FBXO15: variants seen among roughly 807,000 people sequenced by gnomAD.
The protein encoded by FBXO15 is F-box only protein 15.
In FBXO15, 30 loss-of-function variants were observed where a neutral mutation model predicts 49.5. The observed-to-expected ratio is 0.61, with a 90% CI of 0.45 to 0.82. The LOEUF is 0.82. Among genes scored for constraint, FBXO15 ranks in the 40% least tolerant of loss-of-function variants. The probability of loss-of-function intolerance (pLI) is 0.00; values close to 1 mark genes in which losing one functional copy is unlikely to be tolerated. For synonymous variants in FBXO15, 250 were observed against 232.7 expected (o/e 1.07, Z -0.68); for missense variants, 591 against 631.5 (o/e 0.94, Z 0.69).
rs1978332593 is a variant in FBXO15 at position 74,130,554 on chromosome 18, A to G, written c.437T>C (p.Val146Ala). ...KIAMSMSFLS[V>A]QDKEAGYWKK... ...CCAATAACCAGCTTCTTTATCCTGAACTGACAGAAAGCTCATAGACATAGC... is the reference window on the plus strand; with the variant it reads ...CCAATAACCAGCTTCTTTATCCTGAGCTGACAGAAAGCTCATAGACATAGC... Residue 146 changes from valine to alanine, a missense_variant, in exon 4 of 10, where the codon GTT becomes GCT. Val to Ala is a moderately conservative substitution (Grantham distance 64). Transcript: ENST00000419743. 1.2e-6 allele frequency: 2 copies of G among 1,614,176 alleles called. No individual in the cohort carries two copies. The highest frequency in any genetic ancestry group is 4.5e-5 in the East Asian group (2 of 44,880).
At chr18:74,083,829 A>AGT (rs1330997521) in intron 8 of FBXO15, among the ~76,000 whole-genome samples, 3 of 152,228 alleles carry the variant, frequency 2.0e-5, no homozygotes, top group Non-Finnish European at 2.9e-5. Flanking sequence ...GATGTGTGAA[A>AGT]GTGTGTGTAT....
At position 74,141,590 on chromosome 18, in the gene FBXO15, C is replaced by CA. The variant is rs35148962; in HGVS notation, c.117-1279dup. ...CATAAAGGAGGGCAACAATTGGGAG[C>CA]AAAAAAAGAGATGCCTTAAGAACTT... On this transcript the variant is annotated intron_variant, in intron 1 of 9. Transcript: ENST00000419743. Among the ~76,000 whole-genome samples, 585 of 151,846 alleles carry CA rather than the reference C, an allele frequency of 3.9e-3. 3 individuals carry two copies. Among genetic ancestry groups the CA allele is most frequent in the African/African-American group, 0.013 (559 of 41,460 alleles).
chr18:74,121,083 T>C (rs58330232), intron 8 of FBXO15, among the ~76,000 whole-genome samples: 14,161 of 152,060 alleles, frequency 0.093, 1,258 homozygotes, highest in African/African-American at 0.23. Flanking sequence ...AATGGACAAA[T>C]TCCTTAAAAG....
rs1016466941 is a variant in FBXO15 at position 74,108,420 on chromosome 18, G to T, written c.1138+14948C>A. On this transcript the variant is annotated intron_variant, in intron 8 of 9. Transcript: ENST00000419743. ...GGTAACAGAGATGAAGAATACCTTT[G>T]TTGGGCTTATTAGTAGGCTAGAGCT... Among the ~76,000 whole-genome samples the T allele has an allele frequency of 2.6e-5, 4 of 151,664 alleles. No homozygotes were observed. The East Asian group carries it at 7.7e-4, about 29-fold the overall frequency.
In FBXO15 at chr18:74,103,084, T is replaced by C. The variant is rs542741662; in HGVS notation, c.1138+20284A>G. On this transcript the variant is annotated intron_variant, in intron 8 of 9. Coordinates refer to ENST00000419743, the MANE Select transcript of FBXO15 (RefSeq NM_001142958.2). ...TACTCATGTAACCAGATACCACCTG[T>C]TCCCCCAAAAACCTGTGGAAATAAA... Among the ~76,000 whole-genome samples, 8 of 152,024 alleles carry C rather than the reference T, an allele frequency of 5.3e-5. No individual in the cohort carries two copies. The South Asian group carries it at 1.7e-3, about 32-fold the overall frequency.
intron 8 of FBXO15, among the ~76,000 whole-genome samples, chr18:74,085,080 A>C (rs1233051293): frequency 6.6e-6 from 1 of 152,158 alleles, no homozygotes; most frequent in East Asian, 1.9e-4. Context: ...TATCTATTAT[A>C]GTTTCACACA....
chr18:74,091,336 T>G (rs186054281), intron 8 of FBXO15, among the ~76,000 whole-genome samples: 2 of 152,198 alleles, frequency 1.3e-5, no homozygotes, highest in African/African-American at 4.8e-5. Context: ...TGGGTCTTGC[T>G]TCTCTAAATC....
At chr18:74,076,193 CCT>C (rs1912249877) in intron 9 of FBXO15, 1 of 152,326 alleles carries the variant, frequency 6.6e-6, no homozygotes, top group Non-Finnish European at 1.5e-5. Flanking sequence ...TTAGTTCTTA[CCT>C]CTCTTTCGAA....
In FBXO15 at chr18:74,075,131, C is replaced by A. The variant is rs992056415; in HGVS notation, c.1264-1401G>T. On this transcript the variant is annotated intron_variant, in intron 9 of 9. Transcript: ENST00000419743. The surrounding 1 kb of genome is among the most constrained non-coding windows in gnomAD (Gnocchi z 4.1). Reference sequence around the variant, plus strand: ...CCTCAGCTCGGCCTGACGGTCCCACCCTGGCTCTCTGGGTGGCTCCCTCTC... The same window carrying A: ...CCTCAGCTCGGCCTGACGGTCCCACACTGGCTCTCTGGGTGGCTCCCTCTC... 6.6e-6 allele frequency among the ~76,000 whole-genome samples: 1 copy of A among 152,200 alleles called. No individual in the cohort carries two copies. Among genetic ancestry groups the A allele is most frequent in the South Asian group, 2.1e-4 (1 of 4,822 alleles).
chr18:74,137,111 C>T (rs1978770865), intron 2 of FBXO15, among the ~76,000 whole-genome samples: 1 of 152,142 alleles, frequency 6.6e-6, no homozygotes, highest in African/African-American at 2.4e-5. Context: ...GTCCCCACTG[C>T]TCAAATCTCC....
chr18:74,100,047 A>G (rs1191329347), intron 8 of FBXO15: 2 of 152,204 alleles, frequency 1.3e-5, no homozygotes, highest in Admixed American at 1.3e-4. Flanking sequence ...GATTTAAACT[A>G]TACCCTGGAA....
intron 8 of FBXO15, chr18:74,100,137 C>T (rs1473727938): frequency 6.6e-6 from 1 of 152,170 alleles, no homozygotes; most frequent in African/African-American, 2.4e-5. Flanking sequence ...GTGCATGGAA[C>T]TTTCTCCAAG....
chr18:74,125,945 A>G (rs778822540), intron 6 of FBXO15, 30 bp downstream of exon 6: 2 of 1,611,774 alleles, frequency 1.2e-6, no homozygotes, highest in South Asian at 2.2e-5. Flanking sequence ...TGGGGAAATG[A>G]CACAGTACAT....
chr18:74,141,870 C>G (rs750458079), intron 1 of FBXO15, among the ~76,000 whole-genome samples: 1 of 152,188 alleles, frequency 6.6e-6, no homozygotes, highest in Non-Finnish European at 1.5e-5. Flanking sequence ...TTCCCAGGCA[C>G]AAGTCTCCAC....
At position 74,090,163 on chromosome 18, in the gene FBXO15, G is replaced by T. The variant is rs900324301; in HGVS notation, c.1139-8112C>A. 7.9e-5 allele frequency among the ~76,000 whole-genome samples: 12 copies of T among 152,202 alleles called. 1 individual carries two copies. Among genetic ancestry groups the T allele is most frequent in the African/African-American group, 2.9e-4 (12 of 41,536 alleles). Reference sequence around the variant, plus strand: ...AGTCTTGGGAGGGTGTATGCGCCCAGGAATTTATCCATTTCTTCTATGTTT... The same window carrying T: ...AGTCTTGGGAGGGTGTATGCGCCCATGAATTTATCCATTTCTTCTATGTTT... On this transcript the variant is annotated intron_variant, in intron 8 of 9. Coordinates refer to ENST00000419743, the MANE Select transcript of FBXO15 (RefSeq NM_001142958.2).
At chr18:74,094,288 T>G (rs193251351) in intron 8 of FBXO15, among the ~76,000 whole-genome samples, 20 of 152,332 alleles carry the variant, frequency 1.3e-4, no homozygotes, top group African/African-American at 4.8e-4. Context: ...CTTGGTACTA[T>G]TCTTATGATA....
At chr18:74,092,882 C>G (rs1913104887) in intron 8 of FBXO15, among the ~76,000 whole-genome samples, 1 of 152,066 alleles carries the variant, frequency 6.6e-6, no homozygotes. Context: ...AGCAGCACAG[C>G]AGGGTGCATG....
intron 9 of FBXO15, among the ~76,000 whole-genome samples, chr18:74,079,938 A>C (rs568318100): frequency 6.6e-6 from 1 of 152,286 alleles, no homozygotes; most frequent in East Asian, 1.9e-4. Context: ...TTGTCCTTCC[A>C]CCAGCATCGT....
intron 8 of FBXO15, among the ~76,000 whole-genome samples, chr18:74,088,553 T>C (rs1171316917): frequency 6.6e-6 from 1 of 152,204 alleles, no homozygotes; most frequent in Non-Finnish European, 1.5e-5. Flanking sequence ...TTCTGTTCCA[T>C]TGGTCTATGT....
Sources: gnomAD v4.1 joint callset for allele counts (sites outside exome capture counted in the v4.1 genomes callset) on GRCh38, gnomAD v4.1.1 for gene constraint, Gnocchi (gnomAD v3.1) non-coding constraint, MANE v1.5 for transcripts, NCBI Gene and HGNC (gene_info 2026-07-23, HGNC 2026-07-21) for gene names.